Variants in DOCK7 observed in about 807,000 individuals in gnomAD.
The protein encoded by DOCK7 is dedicator of cytokinesis protein 7.
Under a neutral mutation model 271.0 loss-of-function variants are expected in DOCK7, and 138 were observed. That is an observed-to-expected ratio of 0.51 (90% CI 0.44 to 0.59). The LOEUF is 0.59. Ranked by LOEUF, DOCK7 falls within the 20% of genes least tolerant of loss-of-function variation. The pLI is 0.00. For synonymous variants in DOCK7, 823 were observed against 876.1 expected, an observed-to-expected ratio of 0.94 and a Z score of 1.07; for missense variants, 2,066 against 2,592.4, an observed-to-expected ratio of 0.80 and a Z score of 4.41.
At chr1:62,616,265 TA>T (rs1652421701) in intron 14 of DOCK7, among the ~76,000 whole-genome samples, 1 of 151,806 alleles carries the variant, frequency 6.6e-6, no homozygotes, top group African/African-American at 2.4e-5. Context: ...AATTCCCATT[TA>T]AGTTCTGTAA....
chr1:62,455,243 G>A lies in DOCK7; in HGVS notation c.*171C>T. 1 of 749,588 alleles carries A rather than the reference G, an allele frequency of 1.3e-6. No individual in the cohort carries two copies. The highest frequency in any genetic ancestry group is 2.3e-6 in the Non-Finnish European group (1 of 430,276). The allele number at this position is 749,588 out of a possible 1,614,324, so 46.4% of individuals were successfully genotyped here. A position where few individuals can be genotyped will look rare whatever the true frequency, so the allele number is the denominator to read the frequency against. ...TGTTACCAGAACATTAGAAACCATA[G>A]CCATGATTCTCAAGCGTTAACAATC... is the stretch of plus-strand genomic sequence containing the variant. On this transcript the variant is annotated 3_prime_UTR_variant, in exon 50 of 50. Coordinates refer to ENST00000635253, the MANE Select transcript of DOCK7 (RefSeq NM_001367561.1).
At chr1:62,619,784 G>A (rs1652911643) in intron 13 of DOCK7, 116 bp downstream of exon 13, 1 of 542,316 alleles carries the variant, frequency 1.8e-6, no homozygotes, top group Non-Finnish European at 3.2e-6. Context: ...CAGGCATTGG[G>A]CATAGAAAAA....
chr1:62,535,686 T>C (rs1645323467), intron 28 of DOCK7, 54 bp from the exon 29 acceptor site: 1 of 1,536,892 alleles, frequency 6.5e-7, no homozygotes, highest in Non-Finnish European at 8.9e-7. Context: ...CAAAGCATCC[T>C]ACAGACAGAG....
intron 14 of DOCK7, among the ~76,000 whole-genome samples, chr1:62,593,814 AC>A (rs1648821730): frequency 6.6e-6 from 1 of 152,190 alleles, no homozygotes; most frequent in East Asian, 1.9e-4. Flanking sequence ...TATAAAACAT[AC>A]AATAGGATCT....
intron 18 of DOCK7, among the ~76,000 whole-genome samples, chr1:62,571,486 CATT>C (rs1646777014): frequency 1.3e-5 from 2 of 152,136 alleles, no homozygotes; most frequent in South Asian, 4.1e-4. Flanking sequence ...TTGTGGAAAA[CATT>C]GTGGAGATTC....
chr1:62,586,448 G>C (rs1470260976), intron 15 of DOCK7, 59 bp downstream of exon 15: 26 of 1,321,836 alleles, frequency 2.0e-5, no homozygotes, highest in Non-Finnish European at 2.7e-5. Context: ...CAAAGAGAAA[G>C]AAAAAAGTCT....
chr1:62,620,252 T>C (rs982524070), intron 12 of DOCK7, among the ~76,000 whole-genome samples: 8 of 151,412 alleles, frequency 5.3e-5, no homozygotes, highest in African/African-American at 1.5e-4. Flanking sequence ...GAGATGGAGG[T>C]TGCAGTGAGC....
chr1:62,657,180 G>A (rs1020424624), intron 2 of DOCK7, among the ~76,000 whole-genome samples: 3 of 152,136 alleles, frequency 2.0e-5, no homozygotes, highest in Non-Finnish European at 4.4e-5. Context: ...GTGTAACAAG[G>A]TCACACACCC....
chr1:62,679,539 A>T (rs973970712), intron 1 of DOCK7, among the ~76,000 whole-genome samples: 31 of 152,212 alleles, frequency 2.0e-4, no homozygotes, highest in Non-Finnish European at 4.3e-4. Context: ...CAATAAACAT[A>T]CAAAACAGAG....
intron 49 of DOCK7, among the ~76,000 whole-genome samples, chr1:62,456,305 G>A (rs1260741448): frequency 5.3e-5 from 8 of 152,034 alleles, no homozygotes; most frequent in Non-Finnish European, 2.9e-5. Context: ...TGCTAAAGAA[G>A]AATTTTAAAC....
chr1:62,519,071 A>G (rs1426577417), intron 31 of DOCK7, among the ~76,000 whole-genome samples: 1 of 151,898 alleles, frequency 6.6e-6, no homozygotes, highest in Non-Finnish European at 1.5e-5. Context: ...ACTACTTTAA[A>G]AAGCATCATA....
chr1:62,590,996 C>A (rs1382138918), intron 14 of DOCK7, among the ~76,000 whole-genome samples: 1 of 152,062 alleles, frequency 6.6e-6, no homozygotes, highest in African/African-American at 2.4e-5. Flanking sequence ...TGTGTATATA[C>A]CCGGAGGAAT....
At chr1:62,653,832 G>A in intron 3 of DOCK7, 39 bp from the exon 4 acceptor site, 1 of 1,470,674 alleles carries the variant, frequency 6.8e-7, no homozygotes, top group Non-Finnish European at 9.5e-7. Context: ...ATTTAGACGG[G>A]ACAGCACTGA....
chr1:62,544,523 A>G (rs1160412492), intron 23 of DOCK7, among the ~76,000 whole-genome samples: 6 of 152,320 alleles, frequency 3.9e-5, no homozygotes, highest in African/African-American at 1.4e-4. Context: ...TAGGAAGAAA[A>G]TAACAAGATA....
chr1:62,468,118 T>C (rs984429840), intron 48 of DOCK7, among the ~76,000 whole-genome samples: 4 of 152,018 alleles, frequency 2.6e-5, no homozygotes, highest in African/African-American at 9.7e-5. Flanking sequence ...TCCAGCACTT[T>C]GGGAGGCCGA....
chr1:62,656,961 G>C (rs912106656), intron 2 of DOCK7, among the ~76,000 whole-genome samples: 2 of 152,138 alleles, frequency 1.3e-5, no homozygotes, highest in African/African-American at 4.8e-5. Context: ...TCCCCACCAG[G>C]GTAGTATCAG....
At chr1:62,567,507 T>C (rs1369997865) in intron 18 of DOCK7, among the ~76,000 whole-genome samples, 2 of 147,738 alleles carry the variant, frequency 1.4e-5, no homozygotes, top group Non-Finnish European at 3.0e-5. Flanking sequence ...TGAGAACACA[T>C]AGACACAGGG....
chr1:62,517,161 C>A (rs142638116), intron 31 of DOCK7, among the ~76,000 whole-genome samples: 163 of 152,314 alleles, frequency 1.1e-3, no homozygotes, highest in African/African-American at 3.6e-3. Context: ...GTCTAATTCT[C>A]AAGAATACCA....
chr1:62,603,828 T>TA (rs1650519028), intron 14 of DOCK7: 1 of 745,058 alleles, frequency 1.3e-6, no homozygotes. Context: ...TAAAAGGTAT[T>TA]ATTTTAAGAT....
Sources: allele counts gnomAD v4.1 joint callset (sites outside exome capture counted in the v4.1 genomes callset), GRCh38; gene constraint gnomAD v4.1.1; transcripts MANE v1.5; gene names NCBI Gene and HGNC (gene_info 2026-07-23, HGNC 2026-07-21).